The following CNTNAP2 variants were observed in gnomAD, a reference collection of about 807,000 sequenced individuals.
CNTNAP2 encodes contactin associated protein 2, also known as contactin-associated protein-like 2.
In CNTNAP2, 98 loss-of-function variants were observed where a neutral mutation model predicts 155.2. The observed-to-expected ratio is 0.63, with a 90% CI of 0.54 to 0.75. CNTNAP2 has a LOEUF of 0.75. CNTNAP2 is among the 30% of genes least tolerant of loss of function. CNTNAP2 has a pLI of 0.00. For synonymous variants in CNTNAP2, 651 were observed against 631.2 expected, an observed-to-expected ratio of 1.03 and a Z score of -0.47; for missense variants, 1,727 against 1,688.1, an observed-to-expected ratio of 1.02 and a Z score of -0.40.
At chr7:147,292,154 C>T (rs1805327453) in intron 8 of CNTNAP2, among the ~76,000 whole-genome samples, 2 of 152,108 alleles carry the variant, frequency 1.3e-5, no homozygotes, top group Admixed American at 1.3e-4. Flanking sequence ...CCCCCAGGTC[C>T]TGAAAATATT....
Position 146,913,260 on chromosome 7 carries a change from G to C in CNTNAP2, c.402+73356G>C, listed in dbSNP as rs1246983423. Among the ~76,000 whole-genome samples, 11 of 152,152 alleles carry C rather than the reference G, an allele frequency of 7.2e-5. No homozygotes were observed. The East Asian group carries it at 2.1e-3, about 29-fold the overall frequency. Reference sequence around the variant, plus strand: ...GCTGACGTGCATGGTATCTGTAAGAGAGCTGCGAATATGGAAAGAGGATGA... The same window carrying C: ...GCTGACGTGCATGGTATCTGTAAGACAGCTGCGAATATGGAAAGAGGATGA... On this transcript the variant is annotated intron_variant, in intron 3 of 23. Transcript: ENST00000361727.
At chr7:148,005,498 T>G (rs563465639) in intron 15 of CNTNAP2, among the ~76,000 whole-genome samples, 5 of 152,022 alleles carry the variant, frequency 3.3e-5, no homozygotes, top group Non-Finnish European at 7.4e-5. Flanking sequence ...CAATCGCCAC[T>G]GTTATCTCTT....
chr7:147,254,554 G>A (rs1368252495), intron 8 of CNTNAP2, among the ~76,000 whole-genome samples: 1 of 151,790 alleles, frequency 6.6e-6, no homozygotes, highest in Non-Finnish European at 1.5e-5. Context: ...AAGAAATAAT[G>A]GAGAAATGTG....
intron 3 of CNTNAP2, among the ~76,000 whole-genome samples, chr7:146,907,176 G>A (rs1378459943): frequency 3.9e-5 from 6 of 152,156 alleles, no homozygotes; most frequent in Admixed American, 3.9e-4. Context: ...ACGTCTGATT[G>A]GTGTACCTGA....
chr7:146,585,593 G>A (rs1353582292), intron 1 of CNTNAP2, among the ~76,000 whole-genome samples: 1 of 151,950 alleles, frequency 6.6e-6, no homozygotes, highest in African/African-American at 2.4e-5. Context: ...ATTCTCCTAT[G>A]AGTGTCAAGT....
chr7:146,930,356 A>G (rs1796720870), intron 3 of CNTNAP2, among the ~76,000 whole-genome samples: 1 of 152,088 alleles, frequency 6.6e-6, no homozygotes, highest in South Asian at 2.1e-4. Context: ...TAAGTGAAGG[A>G]GAAATAAAAT....
At chr7:147,667,819 A>T (rs1162219441) in intron 13 of CNTNAP2, among the ~76,000 whole-genome samples, 5 of 150,858 alleles carry the variant, frequency 3.3e-5, no homozygotes, top group Admixed American at 3.3e-4. Flanking sequence ...AATAAAAAAA[A>T]TAAAATAAAA....
chr7:146,520,617 G>C (rs1175651598), intron 1 of CNTNAP2, among the ~76,000 whole-genome samples: 1 of 151,548 alleles, frequency 6.6e-6, no homozygotes, highest in African/African-American at 2.4e-5. Context: ...GGAGGAAATG[G>C]CCTTTTAATT....
chr7:147,050,768 G>A (rs1024069981), intron 4 of CNTNAP2, among the ~76,000 whole-genome samples: 2 of 152,064 alleles, frequency 1.3e-5, no homozygotes, highest in Non-Finnish European at 2.9e-5. Context: ...TTAAGACGAT[G>A]GAAAGGTATT....
chr7:147,222,699 TGTG>T (rs1430979183), intron 8 of CNTNAP2, among the ~76,000 whole-genome samples: 1 of 151,992 alleles, frequency 6.6e-6, no homozygotes, highest in Admixed American at 6.6e-5. Context: ...CCTTTAGTAA[TGTG>T]GTGGTAAGGT....
At chr7:147,663,282 C>CACCG (rs1795645145) in intron 13 of CNTNAP2, among the ~76,000 whole-genome samples, 1 of 152,246 alleles carries the variant, frequency 6.6e-6, no homozygotes, top group East Asian at 1.9e-4. Flanking sequence ...AGGCGTAAGC[C>CACCG]ACCGTGCCCA....
intron 3 of CNTNAP2, among the ~76,000 whole-genome samples, chr7:147,037,436 A>T (rs1489045045): frequency 6.8e-6 from 1 of 146,010 alleles, no homozygotes; most frequent in East Asian, 2.0e-4. Flanking sequence ...TTCGACATCC[A>T]GTTTTGTTTT....
chr7:146,878,332 C>CT (rs748164523), intron 3 of CNTNAP2, among the ~76,000 whole-genome samples: 1,991 of 145,296 alleles, frequency 0.014, 17 homozygotes, highest in African/African-American at 0.036. Context: ...GATGTATTAT[C>CT]TTTTTTTTTT....
chr7:146,383,880 A>G (rs190743052), intron 1 of CNTNAP2, among the ~76,000 whole-genome samples: 127 of 152,224 alleles, frequency 8.3e-4, no homozygotes, highest in Admixed American at 2.4e-3. Flanking sequence ...TGGCTTTTTT[A>G]TGTGTTAGCC....
rs183951862 is a variant in CNTNAP2 at position 146,566,924 on chromosome 7, A to G, written c.98-207347A>G. On this transcript the variant is annotated intron_variant, in intron 1 of 23. Coordinates refer to ENST00000361727, the MANE Select transcript of CNTNAP2 (RefSeq NM_014141.6). Reference sequence around the variant, plus strand: ...ATCCTCTGACACACATACATACCTCATTGTATTTATTTACTTATTTATTTT... The same window carrying G: ...ATCCTCTGACACACATACATACCTCGTTGTATTTATTTACTTATTTATTTT... Among the ~76,000 whole-genome samples the G allele has an allele frequency of 4.6e-3, 697 of 152,106 alleles. 5 individuals are homozygous for G. Among genetic ancestry groups the G allele is most frequent in the African/African-American group, 0.016 (648 of 41,496 alleles).
rs759117267 is a variant in CNTNAP2, at chr7:146,383,711, A to G, written c.97+266738A>G. 2.6e-4 allele frequency among the ~76,000 whole-genome samples: 40 copies of G among 152,106 alleles called. 2 individuals carry two copies. Among genetic ancestry groups the G allele is most frequent in the Admixed American group, 2.0e-4 (3 of 15,274 alleles). ...CTGTTTTATTAGTTTTGTTTTTATAATTTTGATTTCCTTTGATAAATTCTG... is the reference window on the plus strand; with the variant it reads ...CTGTTTTATTAGTTTTGTTTTTATAGTTTTGATTTCCTTTGATAAATTCTG... On this transcript the variant is annotated intron_variant, in intron 1 of 23. Coordinates refer to ENST00000361727, the MANE Select transcript of CNTNAP2 (RefSeq NM_014141.6).
intron 3 of CNTNAP2, among the ~76,000 whole-genome samples, chr7:146,878,735 C>G (rs1286648145): frequency 6.6e-6 from 1 of 151,974 alleles, no homozygotes; most frequent in Non-Finnish European, 1.5e-5. Context: ...CGCTGCTTCT[C>G]AAAAAAGATG....
intron 13 of CNTNAP2, among the ~76,000 whole-genome samples, chr7:147,733,206 T>C (rs1022330823): frequency 2.6e-5 from 4 of 152,248 alleles, no homozygotes; most frequent in Non-Finnish European, 4.4e-5. Context: ...AATTCATTTT[T>C]GTATAAGGTG....
At chr7:146,771,227 A>T (rs1321651090) in intron 1 of CNTNAP2, among the ~76,000 whole-genome samples, 1 of 152,176 alleles carries the variant, frequency 6.6e-6, no homozygotes, top group Non-Finnish European at 1.5e-5. Context: ...TCCCACAAAA[A>T]CATAAGCTCT....
Sources: allele counts gnomAD v4.1 joint callset (sites outside exome capture counted in the v4.1 genomes callset), GRCh38; gene constraint gnomAD v4.1.1; transcripts MANE v1.5; gene names NCBI Gene and HGNC (gene_info 2026-07-23, HGNC 2026-07-21).